The following ARID1B variants were observed in gnomAD, a reference collection of about 807,000 sequenced individuals.
ARID1B encodes AT-rich interactive domain-containing protein 1B.
ARID1B carries 30 observed loss-of-function variants against 212.3 expected under a neutral mutation model. The observed-to-expected ratio is 0.14, with a 90% CI of 0.11 to 0.19. ARID1B has a LOEUF of 0.19. Ranked by LOEUF, ARID1B falls within the 10% of genes least tolerant of loss-of-function variation. The pLI is 1.00. For synonymous variants in ARID1B, 1,402 were observed against 1,301.7 expected (o/e 1.08, Z -1.66); for missense variants, 2,891 against 3,204.0 (o/e 0.90, Z 2.36).
chr6:157,096,167 C>G (rs994997368), intron 5 of ARID1B, among the ~76,000 whole-genome samples: 1 of 152,232 alleles, frequency 6.6e-6, no homozygotes, highest in African/African-American at 2.4e-5. Flanking sequence ...CTGACCCCTG[C>G]AGCCCCGGAG....
At chr6:156,900,433 G>A (rs1788823802) in intron 2 of ARID1B, among the ~76,000 whole-genome samples, 1 of 152,084 alleles carries the variant, frequency 6.6e-6, no homozygotes, top group South Asian at 2.1e-4. Flanking sequence ...TGTGTATCTG[G>A]CACTCATTAA....
chr6:157,019,104 G>A (rs1441581026), intron 4 of ARID1B, among the ~76,000 whole-genome samples: 1 of 152,188 alleles, frequency 6.6e-6, no homozygotes, highest in African/African-American at 2.4e-5. Context: ...TTATCCCGAG[G>A]TAAGAAGTCT....
intron 4 of ARID1B, among the ~76,000 whole-genome samples, chr6:157,045,659 A>G (rs1186669999): frequency 6.6e-6 from 1 of 152,234 alleles, no homozygotes; most frequent in East Asian, 1.9e-4. Context: ...TGTCATTGAA[A>G]CAAAACTAGC....
chr6:156,825,198 A>G (rs1305129695), intron 1 of ARID1B, among the ~76,000 whole-genome samples: 2 of 152,322 alleles, frequency 1.3e-5, no homozygotes, highest in East Asian at 3.9e-4. Context: ...TGGTAGTGAG[A>G]AGCAGGAGTT....
chr6:157,016,590 A>T (rs1052147492), intron 4 of ARID1B, among the ~76,000 whole-genome samples: 1 of 152,090 alleles, frequency 6.6e-6, no homozygotes, highest in East Asian at 1.9e-4. Context: ...TGTGCCAGTT[A>T]TGGGACCTGG....
At chr6:156,867,144 G>A (rs536397857) in intron 2 of ARID1B, among the ~76,000 whole-genome samples, 31 of 152,332 alleles carry the variant, frequency 2.0e-4, no homozygotes, top group African/African-American at 7.5e-4. Context: ...AACAAGAGGT[G>A]TACACATGAC....
chr6:156,868,078 C>G (rs1188401900), intron 2 of ARID1B, among the ~76,000 whole-genome samples: 1 of 152,228 alleles, frequency 6.6e-6, no homozygotes, highest in Non-Finnish European at 1.5e-5. Context: ...AGCCTTGTAG[C>G]AGGCTGCCAG....
chr6:157,167,030 C>T lies in ARID1B; in HGVS notation c.3090-10C>T, dbSNP rs1222311771. The stretch of plus-strand genomic sequence containing the variant: ...TCGGTATATGTGTGCTGTGCTTTCT[C>T]TTCCTGTAGGCAAGGCAGTTTCCCC... On this transcript the variant is annotated splice_polypyrimidine_tract_variant and intron_variant, in intron 8 of 19. Coordinates refer to ENST00000636930, the MANE Select transcript of ARID1B (RefSeq NM_001374828.1). The T allele has an allele frequency of 6.2e-7, 1 of 1,609,512 alleles. No homozygotes were observed. The highest frequency in any genetic ancestry group is 1.7e-5 in the Admixed American group (1 of 60,018).
At chr6:157,107,103 C>G (rs1158280507) in intron 5 of ARID1B, among the ~76,000 whole-genome samples, 1 of 152,142 alleles carries the variant, frequency 6.6e-6, no homozygotes, top group Non-Finnish European at 1.5e-5. Context: ...AATTCATAAC[C>G]TCATTTTAGG....
At chr6:157,075,702 G>A (rs962165560) in intron 4 of ARID1B, among the ~76,000 whole-genome samples, 7 of 152,182 alleles carry the variant, frequency 4.6e-5, no homozygotes, top group Non-Finnish European at 1.0e-4. Context: ...TGTTGACCTC[G>A]TCCTCCCCGC....
chr6:156,935,528 C>G lies in ARID1B; in HGVS notation c.2199C>G (p.Asn733Lys), dbSNP rs2128274952. 6.2e-7 allele frequency: 1 copy of G among 1,613,842 alleles called. No individual in the cohort carries two copies. The highest frequency in any genetic ancestry group is 1.1e-5 in the South Asian group (1 of 91,088). ...CTCCTCTGGCCCCCGGAAAACCTAACCATGAAGACTTGAACTTAATACAGC... is the reference window on the plus strand; with the variant it reads ...CTCCTCTGGCCCCCGGAAAACCTAAGCATGAAGACTTGAACTTAATACAGC... ...SQPPLAPGKP[N>K]HEDLNLIQQE... The change falls in exon 4 of 20, where the codon AAC becomes AAG. Residue 733 changes from asparagine to lysine, a missense_variant. Asn to Lys is a moderately conservative substitution (Grantham distance 94). Transcript: ENST00000636930.
Position 156,898,428 on chromosome 6 carries a change from G to A in ARID1B, c.1987-2948G>A, listed in dbSNP as rs569629973. ...GTTCAGGTGGGGGTTGAGCTTGAGC[G>A]GTGAGCAGTGCCAGAATGCCCTGAT... On this transcript the variant is annotated intron_variant, in intron 2 of 19. Transcript: ENST00000636930. Among the ~76,000 whole-genome samples the A allele has an allele frequency of 2.5e-4, 38 of 152,194 alleles. No individual in the cohort carries two copies. The East Asian group carries it at 2.5e-3, about 10-fold the overall frequency.
In ARID1B at chr6:157,149,206, C is replaced by T. The variant is rs552139277; in HGVS notation, c.3089+255C>T. ...CAGTCGTGGGAGGTGATTTGAAATG[C>T]CTGTGAATAGTCATTGCAGCAGCAA... On this transcript the variant is annotated intron_variant, in intron 8 of 19. Coordinates refer to ENST00000636930, the MANE Select transcript of ARID1B (RefSeq NM_001374828.1). 1.5e-4 allele frequency: 73 copies of T among 489,240 alleles called. 1 individual carries two copies. The South Asian group carries it at 2.0e-3, about 14-fold the overall frequency. The allele number at this position is 489,240 out of a possible 1,614,324, so 30.3% of individuals were successfully genotyped here.
chr6:156,779,125 C>CG lies in ARID1B; in HGVS notation c.1451dup (p.Phe485LeufsTer133), dbSNP rs1554248082. The CG allele has an allele frequency of 5.6e-6, 7 of 1,240,894 alleles. No homozygotes were observed. The highest frequency in any genetic ancestry group is 6.0e-6 in the Non-Finnish European group (6 of 992,256). The allele number at this position is 1,240,894 out of a possible 1,614,324, so 76.9% of individuals were successfully genotyped here. A position where few individuals can be genotyped will look rare whatever the true frequency, so the allele number is the denominator to read the frequency against. On this transcript the variant is annotated frameshift_variant, in exon 1 of 20. Transcript: ENST00000636930. LOFTEE classifies it high-confidence loss of function. ...AGCAAGGCGGCCGCCGGCTCGGCGGCGGGGGGCTTCCAGCGCTTCGCCGGC... is the reference window on the plus strand; with the variant it reads ...AGCAAGGCGGCCGCCGGCTCGGCGGCGGGGGGGCTTCCAGCGCTTCGCCGGC...
chr6:156,956,026 C>T (rs1307258995), intron 4 of ARID1B, among the ~76,000 whole-genome samples: 1 of 152,112 alleles, frequency 6.6e-6, no homozygotes, highest in African/African-American at 2.4e-5. Context: ...CTGCTGGGTT[C>T]TGGACATAAG....
Position 156,868,451 on chromosome 6 carries a change from A to G in ARID1B, c.1987-32925A>G, listed in dbSNP as rs181027876. Among the ~76,000 whole-genome samples, 449 of 152,368 alleles carry G rather than the reference A, an allele frequency of 2.9e-3. 3 individuals are homozygous for G. The highest frequency in any genetic ancestry group is 0.01 in the African/African-American group (430 of 41,586). Reference sequence around the variant, plus strand: ...TACCATAAACTGGGTGGCTTATAAAAAGCAGAAATGTATTTCTCACAGTTT... The same window carrying G: ...TACCATAAACTGGGTGGCTTATAAAGAGCAGAAATGTATTTCTCACAGTTT... On this transcript the variant is annotated intron_variant, in intron 2 of 19. Transcript: ENST00000636930.
At chr6:157,057,426 GTA>G (rs71743532) in intron 4 of ARID1B, among the ~76,000 whole-genome samples, 42,838 of 151,782 alleles carry the variant, frequency 0.28, 6,275 homozygotes, top group Non-Finnish European at 0.32. Context: ...AGGTATATAT[GTA>G]TATACACACA....
chr6:157,164,133 T>TA (rs1791150364), intron 8 of ARID1B, among the ~76,000 whole-genome samples: 1 of 152,186 alleles, frequency 6.6e-6, no homozygotes, highest in Admixed American at 6.5e-5. Flanking sequence ...TGTTCTGGTG[T>TA]AAAAAACTGA....
intron 2 of ARID1B, among the ~76,000 whole-genome samples, chr6:156,832,218 G>A: frequency 6.6e-6 from 1 of 152,260 alleles, no homozygotes; most frequent in African/African-American, 2.4e-5. Context: ...GTGTTCTTTG[G>A]GGAGGAATTT....
Sources: allele counts gnomAD v4.1 joint callset (sites outside exome capture counted in the v4.1 genomes callset), GRCh38; gene constraint gnomAD v4.1.1; transcripts MANE v1.5; gene names NCBI Gene and HGNC (gene_info 2026-07-23, HGNC 2026-07-21).